The following INSL6 variants were observed in gnomAD, a reference collection of about 807,000 sequenced individuals.
The protein encoded by INSL6 is insulin-like peptide INSL6.
Under a neutral mutation model 9.4 loss-of-function variants are expected in INSL6, and 16 were observed. The ratio of observed to expected loss-of-function variants is 1.70; its 90% CI spans 1.15 to 2.59. INSL6 has a LOEUF of 2.59. Among genes scored for constraint, INSL6 ranks in the 30% most tolerant of loss-of-function variants. INSL6 has a pLI of 0.00. For synonymous variants in INSL6, 154 were observed against 96.9 expected (o/e 1.59, Z -3.46); for missense variants, 391 against 257.3 (o/e 1.52, Z -3.56).
chr9:5,041,582 G>T, the INSL6 span: 1 of 503,268 alleles, frequency 2.0e-6, no homozygotes. Context: ...ACTACGTGCG[G>T]CGCCTGGACT....
At chr9:5,081,016 C>G in the INSL6 span, among the ~76,000 whole-genome samples, 22 of 150,790 alleles carry the variant, frequency 1.5e-4, no homozygotes, top group Non-Finnish European at 2.5e-4. Flanking sequence ...CTGCCTCAGC[C>G]TCCTGAGTAG....
chr9:5,000,801 C>T, the INSL6 span, among the ~76,000 whole-genome samples: 20 of 152,180 alleles, frequency 1.3e-4, no homozygotes, highest in African/African-American at 4.3e-4. Context: ...TAAGTAAGAA[C>T]TGGATAAAGA....
At chr9:5,032,909 A>G in the INSL6 span, among the ~76,000 whole-genome samples, 1 of 152,206 alleles carries the variant, frequency 6.6e-6, no homozygotes, top group Admixed American at 6.5e-5. Context: ...TGACTTTGAC[A>G]AGTTGAGAGA....
At chr9:4,999,301 T>A in the INSL6 span, among the ~76,000 whole-genome samples, 1 of 152,220 alleles carries the variant, frequency 6.6e-6, no homozygotes, top group Non-Finnish European at 1.5e-5. Flanking sequence ...AGTGAAAGAA[T>A]CATGACATTG....
the INSL6 span, chr9:5,090,373 T>G: frequency 1.8e-6 from 2 of 1,100,368 alleles, no homozygotes; most frequent in Non-Finnish European, 2.4e-6. Context: ...GTCATTTATG[T>G]ATGATAGTTT....
chr9:4,999,426 C>A, the INSL6 span, among the ~76,000 whole-genome samples: 1 of 152,062 alleles, frequency 6.6e-6, no homozygotes, highest in Non-Finnish European at 1.5e-5. Context: ...TAAAAACAGT[C>A]ATTTAAAAAT....
the INSL6 span, among the ~76,000 whole-genome samples, chr9:4,994,386 C>T: frequency 1.4e-4 from 21 of 152,132 alleles, no homozygotes; most frequent in African/African-American, 4.1e-4. Context: ...CACAAATTGC[C>T]GCTGGGCCCC....
chr9:5,138,470 A>G (rs1287270259), intron 2 of INSL6, among the ~76,000 whole-genome samples: 1 of 152,210 alleles, frequency 6.6e-6, no homozygotes, highest in Non-Finnish European at 1.5e-5. Flanking sequence ...TTCTCAGCAA[A>G]CTAACACAAG....
chr9:4,997,044 T>C, the INSL6 span, among the ~76,000 whole-genome samples: 2 of 147,362 alleles, frequency 1.4e-5, no homozygotes, highest in East Asian at 4.3e-4. Flanking sequence ...TCCTCCTACC[T>C]CAGCCTCCTG....
the INSL6 span, chr9:5,085,175 A>C: frequency 1.5e-6 from 1 of 654,038 alleles, no homozygotes; most frequent in Non-Finnish European, 3.0e-6. Context: ...TCTCCCGGCA[A>C]ACTGAACCAT....
the INSL6 span, chr9:5,069,000 C>T: frequency 7.1e-7 from 1 of 1,417,756 alleles, no homozygotes; most frequent in Admixed American, 2.0e-5. Flanking sequence ...CCCTCCCTTT[C>T]TTTATAATTA....
the INSL6 span, among the ~76,000 whole-genome samples, chr9:5,031,965 G>A: frequency 3.3e-5 from 5 of 152,250 alleles, no homozygotes; most frequent in African/African-American, 9.6e-5. Flanking sequence ...GCGAGGCATC[G>A]CCACACCCGG....
the INSL6 span, among the ~76,000 whole-genome samples, chr9:5,012,504 G>A: frequency 6.6e-6 from 1 of 152,084 alleles, no homozygotes; most frequent in Non-Finnish European, 1.5e-5. Flanking sequence ...CTTGGTGTTT[G>A]GGGCAGAAGG....
At chr9:5,058,059 T>C in the INSL6 span, among the ~76,000 whole-genome samples, 563 of 152,344 alleles carry the variant, frequency 3.7e-3, 3 homozygotes, top group African/African-American at 0.013. Context: ...TTCTGTGTCA[T>C]GTATATACCA....
At chr9:5,101,385 C>A in the INSL6 span, among the ~76,000 whole-genome samples, 1 of 152,232 alleles carries the variant, frequency 6.6e-6, no homozygotes, top group African/African-American at 2.4e-5. Context: ...CAGGGAAGCT[C>A]GAACTGGGTG....
At chr9:5,073,825 C>G in the INSL6 span, 1 of 1,299,352 alleles carries the variant, frequency 7.7e-7, no homozygotes, top group Admixed American at 1.8e-5. Context: ...TTTCTCAGAG[C>G]ATCTGTTTTT....
the INSL6 span, among the ~76,000 whole-genome samples, chr9:5,019,072 G>A: frequency 3.3e-5 from 5 of 152,088 alleles, no homozygotes; most frequent in Admixed American, 6.5e-5. Context: ...GGATCTCTGA[G>A]CTTCTGTATC....
the INSL6 span, among the ~76,000 whole-genome samples, chr9:5,021,640 T>C: frequency 6.6e-6 from 1 of 152,192 alleles, no homozygotes; most frequent in Non-Finnish European, 1.5e-5. Flanking sequence ...TATGTATTCA[T>C]TTTTGAGACA....
chr9:5,036,281 T>C, the INSL6 span, among the ~76,000 whole-genome samples: 2 of 152,168 alleles, frequency 1.3e-5, no homozygotes, highest in African/African-American at 2.4e-5. Context: ...GAATCAATAT[T>C]GTGAAAATGG....
Sources: gnomAD v4.1 joint callset for allele counts (sites outside exome capture counted in the v4.1 genomes callset) on GRCh38, gnomAD v4.1.1 for gene constraint, MANE v1.5 for transcripts, NCBI Gene and HGNC (gene_info 2026-07-23, HGNC 2026-07-21) for gene names.